Variants in CUL2 observed in about 807,000 individuals in gnomAD.
CUL2 encodes the protein cullin 2, also known as cullin-2.
In CUL2, 22 loss-of-function variants were observed where a neutral mutation model predicts 110.2. The observed-to-expected ratio is 0.20, with a 90% CI of 0.14 to 0.28. The LOEUF (loss-of-function observed/expected upper bound fraction) is 0.28, where lower values mean the gene tolerates loss of function less well. Among genes scored for constraint, CUL2 ranks in the 10% least tolerant of loss-of-function variants. The pLI is 1.00. For missense variants in CUL2, 631 were observed against 905.5 expected (o/e 0.70, Z 3.89); for synonymous variants, 279 against 293.2 (o/e 0.95, Z 0.49).
chr10:35,068,105 G>A (rs1230789586), intron 2 of CUL2, among the ~76,000 whole-genome samples: 17 of 122,742 alleles, frequency 1.4e-4, no homozygotes, highest in South Asian at 8.2e-4. Context: ...GCGAGACTCC[G>A]TCTCAAAAAA....
chr10:35,025,066 T>A, intron 17 of CUL2, 66 bp downstream of exon 17: 1 of 1,411,392 alleles, frequency 7.1e-7, no homozygotes, highest in South Asian at 1.7e-5. Context: ...ATAGAAAACC[T>A]CTTTCTAAAT....
At chr10:35,016,146 C>T in intron 18 of CUL2, 46 bp downstream of exon 18, 1 of 1,504,138 alleles carries the variant, frequency 6.6e-7, no homozygotes, top group Non-Finnish European at 9.2e-7. Flanking sequence ...CATGAAAAAG[C>T]TTTAATGCTG....
At chr10:35,115,685 C>T (rs34296409) in intron 1 of CUL2, among the ~76,000 whole-genome samples, 1 of 151,616 alleles carries the variant, frequency 6.6e-6, no homozygotes, top group African/African-American at 2.4e-5. Context: ...CTTGAGCCCA[C>T]GAGTTTGAGA....
chr10:35,087,276 T>A (rs909924279), intron 1 of CUL2, among the ~76,000 whole-genome samples: 1 of 151,856 alleles, frequency 6.6e-6, no homozygotes, highest in Non-Finnish European at 1.5e-5. Flanking sequence ...CAGACTAACA[T>A]CTTAAATTTT....
In CUL2 at chr10:35,009,053, C is replaced by A. The variant is rs1262046682; in HGVS notation, c.*1258G>T. On this transcript the variant is annotated 3_prime_UTR_variant, in exon 21 of 21. Coordinates refer to ENST00000374749, the MANE Select transcript of CUL2 (RefSeq NM_003591.4). ...CTAGCCTGGGAAACATGGCGAAACCCCGTCTCTTATTTTTTTTAAAATAAA... is the reference window on the plus strand; with the variant it reads ...CTAGCCTGGGAAACATGGCGAAACCACGTCTCTTATTTTTTTTAAAATAAA... 6.6e-6 allele frequency: 1 copy of A among 151,464 alleles called. No homozygotes were observed. Among genetic ancestry groups the A allele is most frequent in the Non-Finnish European group, 1.5e-5 (1 of 67,906 alleles). The allele number at this position is 151,464 out of a possible 1,614,324, so 9.4% of individuals were successfully genotyped here.
At chr10:35,046,113 G>A (rs1408746015) in intron 6 of CUL2, among the ~76,000 whole-genome samples, 1 of 152,162 alleles carries the variant, frequency 6.6e-6, no homozygotes, top group African/African-American at 2.4e-5. Flanking sequence ...GATATTCTGA[G>A]AACTATTTTT....
At chr10:35,015,263 ACCCT>A (rs1271951239) in intron 18 of CUL2, among the ~76,000 whole-genome samples, 10 of 146,116 alleles carry the variant, frequency 6.8e-5, no homozygotes, top group African/African-American at 1.3e-4. Flanking sequence ...ATTGCACTCC[ACCCT>A]GGGCAACAAG....
intron 1 of CUL2, among the ~76,000 whole-genome samples, chr10:35,082,246 G>A (rs576277788): frequency 7.2e-5 from 11 of 152,196 alleles, no homozygotes; most frequent in Admixed American, 3.9e-4. Context: ...TATATGCTAC[G>A]ACAAGGATTA....
chr10:35,113,053 G>A (rs1179244793), intron 1 of CUL2, among the ~76,000 whole-genome samples: 2 of 151,236 alleles, frequency 1.3e-5, no homozygotes, highest in Non-Finnish European at 2.9e-5. Flanking sequence ...TTGGCTGGCC[G>A]GCATGTGTAA....
chr10:35,076,019 T>C (rs1360211399), intron 1 of CUL2, among the ~76,000 whole-genome samples: 1 of 152,148 alleles, frequency 6.6e-6, no homozygotes, highest in African/African-American at 2.4e-5. Context: ...GCCCTTGAAA[T>C]AGCTCAAGTG....
At chr10:35,046,493 A>G (rs1412585815) in intron 6 of CUL2, among the ~76,000 whole-genome samples, 1 of 152,224 alleles carries the variant, frequency 6.6e-6, no homozygotes, top group East Asian at 1.9e-4. Flanking sequence ...AGAGTTTAAT[A>G]AAGTGAGGTA....
In CUL2 at chr10:35,113,264, G is replaced by A. The variant is rs1041132900; in HGVS notation, c.-50-12204C>T. Among the ~76,000 whole-genome samples, 3 of 150,326 alleles carry A rather than the reference G, an allele frequency of 2.0e-5. No individual in the cohort carries two copies. The East Asian group carries it at 5.9e-4, about 29-fold the overall frequency. ...TAATCCCAGCATTTTGGGAGCCCGAGGTGGGTGGATCACCTGAAGTCAGGA... is the reference window on the plus strand; with the variant it reads ...TAATCCCAGCATTTTGGGAGCCCGAAGTGGGTGGATCACCTGAAGTCAGGA... On this transcript the variant is annotated intron_variant, in intron 1 of 5. Coordinates refer to the CUL2 transcript ENST00000685421.
intron 1 of CUL2, among the ~76,000 whole-genome samples, chr10:35,089,318 G>A (rs1041754129): frequency 6.6e-6 from 1 of 152,202 alleles, no homozygotes; most frequent in East Asian, 1.9e-4. Flanking sequence ...ATTCTAAAGG[G>A]TAGGCAACAG....
chr10:35,063,373 C>T (rs1262547327), intron 2 of CUL2, among the ~76,000 whole-genome samples: 1 of 151,844 alleles, frequency 6.6e-6, no homozygotes, highest in Non-Finnish European at 1.5e-5. Context: ...CAGAATCCTA[C>T]AAAATAAGGT....
chr10:35,044,551 T>C lies in CUL2; in HGVS notation c.714+15A>G, dbSNP rs2085886213. On this transcript the variant is annotated intron_variant, in intron 8 of 20. Coordinates refer to ENST00000374749, the MANE Select transcript of CUL2 (RefSeq NM_003591.4). Reference sequence around the variant, plus strand: ...ACAAAATAGATAAATGTATTCGATATGTTTTATTTCTTACCTTTTCCATAT... The same window carrying C: ...ACAAAATAGATAAATGTATTCGATACGTTTTATTTCTTACCTTTTCCATAT... 4 of 1,467,622 alleles carry C rather than the reference T, an allele frequency of 2.7e-6. No homozygotes were observed. Among genetic ancestry groups the C allele is most frequent in the Non-Finnish European group, 3.7e-6 (4 of 1,068,274 alleles). The allele number at this position is 1,467,622 out of a possible 1,614,324, so 90.9% of individuals were successfully genotyped here. A position where few individuals can be genotyped will look rare whatever the true frequency, so the allele number is the denominator to read the frequency against.
intron 1 of CUL2, among the ~76,000 whole-genome samples, chr10:35,110,744 G>A (rs2087514351): frequency 6.6e-6 from 1 of 151,996 alleles, no homozygotes; most frequent in African/African-American, 2.4e-5. Flanking sequence ...TCACACATTT[G>A]TCTCTGTGTG....
chr10:35,101,784 T>A (rs1483099763), intron 1 of CUL2, among the ~76,000 whole-genome samples: 1 of 152,226 alleles, frequency 6.6e-6, no homozygotes, highest in Non-Finnish European at 1.5e-5. Context: ...GCAGTTGCTA[T>A]TGACATTTGT....
At chr10:35,057,031 T>C (rs1276832999) in intron 4 of CUL2, among the ~76,000 whole-genome samples, 1 of 152,216 alleles carries the variant, frequency 6.6e-6, no homozygotes, top group Non-Finnish European at 1.5e-5. Flanking sequence ...CTTTAATTCA[T>C]CTAAAAATTC....
intron 10 of CUL2, among the ~76,000 whole-genome samples, chr10:35,033,494 T>C (rs2085529173): frequency 6.6e-6 from 1 of 152,046 alleles, no homozygotes; most frequent in Non-Finnish European, 1.5e-5. Flanking sequence ...CCAGCACTTC[T>C]GGGAGGCTGA....
Sources: gnomAD v4.1 joint callset for allele counts (sites outside exome capture counted in the v4.1 genomes callset) on GRCh38, gnomAD v4.1.1 for gene constraint, MANE v1.5 for transcripts, NCBI Gene and HGNC (gene_info 2026-07-23, HGNC 2026-07-21) for gene names.